Variants in NRROS observed in about 807,000 individuals in gnomAD.
NRROS encodes negative regulator of reactive oxygen species.
In NRROS, 6 loss-of-function variants were observed where a neutral mutation model predicts 12.0. That is an observed-to-expected ratio of 0.50 (90% CI 0.27 to 0.98). NRROS has a LOEUF of 0.98. Among genes scored for constraint, NRROS ranks in the 50% least tolerant of loss-of-function variants. The pLI, the probability that NRROS is intolerant of heterozygous loss-of-function variation, is 0.11. For synonymous variants in NRROS, 462 were observed against 410.2 expected (o/e 1.13, Z -1.53); for missense variants, 857 against 888.2 (o/e 0.96, Z 0.45).
At position 196,661,528 on chromosome 3, in the gene NRROS, C is replaced by T. The variant is rs763712304; in HGVS notation, c.1885C>T (p.Arg629Cys). Residue 629 changes from arginine to cysteine, a missense_variant, in exon 3 of 3, where the codon CGC becomes TGC. Transcript: ENST00000328557. ...CTGCAACCTCTCCTCCAAGATCATC[C>T]GCGTGACGGAGCTGCCCGGAGGTGT... is the stretch of plus-strand genomic sequence containing the variant. Reference protein sequence around the residue: ...VTCNLSSKIIRVTELPGGVPR... With the variant: ...VTCNLSSKIICVTELPGGVPR... 40 of 1,613,536 alleles carry T rather than the reference C, an allele frequency of 2.5e-5. No individual in the cohort carries two copies. The highest frequency in any genetic ancestry group is 1.5e-4 in the South Asian group (14 of 91,078).
rs1737680279 is a variant in NRROS at position 196,661,521 on chromosome 3, G to A, written c.1878G>A (p.Lys626=). The A allele has an allele frequency of 6.2e-7, 1 of 1,613,546 alleles. No individual in the cohort carries two copies. Among genetic ancestry groups the A allele is most frequent in the Non-Finnish European group, 8.5e-7 (1 of 1,179,622 alleles). ...WAMVTCNLSS[K]IIRVTELPGG... ...TGGTCACCTGCAACCTCTCCTCCAA[G>A]ATCATCCGCGTGACGGAGCTGCCCG... Residue 626 remains lysine (K), a synonymous_variant, in exon 3 of 3, where the codon AAG becomes AAA. Coordinates refer to ENST00000328557, the MANE Select transcript of NRROS (RefSeq NM_198565.3).
At chr3:196,640,743 C>T (rs753226610) in intron 1 of NRROS, among the ~76,000 whole-genome samples, 1 of 152,164 alleles carries the variant, frequency 6.6e-6, no homozygotes, top group Non-Finnish European at 1.5e-5. Context: ...AAGGTGGACA[C>T]GTGCCAGTTG....
intron 1 of NRROS, among the ~76,000 whole-genome samples, chr3:196,641,909 A>G (rs1390288308): frequency 6.6e-6 from 1 of 152,246 alleles, no homozygotes; most frequent in Admixed American, 6.5e-5. Flanking sequence ...TTCTTAGGAC[A>G]TGCTGTGTGT....
chr3:196,659,175 A>G (rs1737606160), intron 2 of NRROS, among the ~76,000 whole-genome samples: 1 of 151,940 alleles, frequency 6.6e-6, no homozygotes, highest in African/African-American at 2.4e-5. Flanking sequence ...TAGGAAAAGC[A>G]CTGAACTGGG....
At chr3:196,646,993 G>C (rs1400646591) in intron 1 of NRROS, among the ~76,000 whole-genome samples, 2 of 152,072 alleles carry the variant, frequency 1.3e-5, no homozygotes, top group Non-Finnish European at 2.9e-5. Context: ...TATTATGAAC[G>C]TCTTTCTGCG....
At chr3:196,659,060 G>A (rs767266930) in intron 2 of NRROS, among the ~76,000 whole-genome samples, 6 of 152,162 alleles carry the variant, frequency 3.9e-5, no homozygotes, top group Non-Finnish European at 7.3e-5. Context: ...TTTGCAAAGC[G>A]TGGGGTGAAT....
intron 1 of NRROS, among the ~76,000 whole-genome samples, chr3:196,647,333 G>T (rs11720010): frequency 3.0e-3 from 456 of 152,150 alleles, no homozygotes; most frequent in African/African-American, 9.7e-3. Flanking sequence ...CAGTTCTTAG[G>T]GGGGGAGAAG....
chr3:196,642,535 C>T (rs1023705536), intron 1 of NRROS, among the ~76,000 whole-genome samples: 20 of 152,190 alleles, frequency 1.3e-4, no homozygotes, highest in Non-Finnish European at 2.8e-4. Context: ...AAGAGCAAGT[C>T]TCCTTTCCAT....
chr3:196,654,586 C>T lies in NRROS; in HGVS notation c.47C>T (p.Thr16Ile), dbSNP rs867041647. 1.2e-6 allele frequency: 2 copies of T among 1,614,010 alleles called. No individual in the cohort carries two copies. Among genetic ancestry groups the T allele is most frequent in the Non-Finnish European group, 8.5e-7 (1 of 1,180,006 alleles). ...LWLCLGFHFL[T>I]VGWRNRSGTA... ...CTCTGCCTGGGTTTTCACTTCCTGACCGTGGGCTGGAGGAACAGAAGCGGA... is the reference window on the plus strand; with the variant it reads ...CTCTGCCTGGGTTTTCACTTCCTGATCGTGGGCTGGAGGAACAGAAGCGGA... The change falls in exon 2 of 3, where the codon ACC becomes ATC. Residue 16 changes from threonine (T) to isoleucine (I), a missense_variant. Transcript: ENST00000328557. The surrounding 1 kb of genome is among the most constrained non-coding windows in gnomAD (Gnocchi z 4.4).
At chr3:196,643,272 C>T (rs1737243117) in intron 1 of NRROS, among the ~76,000 whole-genome samples, 1 of 152,074 alleles carries the variant, frequency 6.6e-6, no homozygotes, top group South Asian at 2.1e-4. Flanking sequence ...AGGTGCTGAC[C>T]CCAAGCCAAT....
intron 1 of NRROS, among the ~76,000 whole-genome samples, chr3:196,652,955 G>C (rs1053347783): frequency 2.6e-5 from 4 of 152,192 alleles, no homozygotes; most frequent in African/African-American, 9.7e-5. Flanking sequence ...TAAACAATTT[G>C]TTAGTATAAG....
Position 196,660,372 on chromosome 3 carries a change from G to T in NRROS, c.729G>T (p.Ala243=), listed in dbSNP as rs1211088143. ...ACAACGTCCTGGAGTGGTTCCTCGC[G>T]ACCGGGGGAGAGGCTGCCTTCGAGC... ...VSYNVLEWFL[A]TGGEAAFELE... Residue 243 remains alanine, a synonymous_variant, in exon 3 of 3, where the codon GCG becomes GCT. Coordinates refer to ENST00000328557, the MANE Select transcript of NRROS (RefSeq NM_198565.3). The surrounding 1 kb of genome is among the most constrained non-coding windows in gnomAD (Gnocchi z 7.7). 1.2e-6 allele frequency: 2 copies of T among 1,613,860 alleles called. No individual in the cohort carries two copies. Among genetic ancestry groups the T allele is most frequent in the African/African-American group, 1.3e-5 (1 of 74,904 alleles).
chr3:196,641,646 G>A (rs901372591), intron 1 of NRROS, among the ~76,000 whole-genome samples: 1 of 152,174 alleles, frequency 6.6e-6, no homozygotes, highest in African/African-American at 2.4e-5. Context: ...GAGAGCAGAC[G>A]CCTAGTATCT....
chr3:196,642,978 G>A, intron 1 of NRROS, among the ~76,000 whole-genome samples: 1 of 151,722 alleles, frequency 6.6e-6, no homozygotes, highest in Non-Finnish European at 1.5e-5. Flanking sequence ...GCTGAGGCAG[G>A]AGAGTCGCTT....
chr3:196,658,888 C>G (rs556086137), intron 2 of NRROS, among the ~76,000 whole-genome samples: 3 of 152,014 alleles, frequency 2.0e-5, no homozygotes, highest in Non-Finnish European at 4.4e-5. Context: ...GAGAATTGCT[C>G]GAACCCAGGA....
chr3:196,641,140 A>AAAAACAAAACAAAACAAAACAAAAC (rs141716665), intron 1 of NRROS, among the ~76,000 whole-genome samples: 3 of 150,342 alleles, frequency 2.0e-5, no homozygotes, highest in African/African-American at 7.4e-5. Context: ...TTTAGGTTAA[A>AAAAACAAAACAAAACAAAACAAAAC]AAAACAAAAC....
At chr3:196,644,120 TCTC>T (rs745665635) in intron 1 of NRROS, among the ~76,000 whole-genome samples, 37 of 152,274 alleles carry the variant, frequency 2.4e-4, no homozygotes, top group Non-Finnish European at 4.4e-4. Flanking sequence ...CAGCTTCTCA[TCTC>T]CTTCCAAATC....
intron 1 of NRROS, among the ~76,000 whole-genome samples, chr3:196,652,579 G>T (rs376357625): frequency 1.3e-5 from 2 of 152,268 alleles, no homozygotes; most frequent in South Asian, 4.1e-4. Context: ...TTCCTGCCAG[G>T]GCCACAACAA....
intron 1 of NRROS, among the ~76,000 whole-genome samples, chr3:196,647,546 C>A (rs757610577): frequency 6.6e-6 from 1 of 152,190 alleles, no homozygotes; most frequent in Admixed American, 6.5e-5. Context: ...CCAAAGATCA[C>A]AATCGGTTCT....
Sources: gnomAD v4.1 joint callset for allele counts (sites outside exome capture counted in the v4.1 genomes callset) on GRCh38, gnomAD v4.1.1 for gene constraint, Gnocchi (gnomAD v3.1) non-coding constraint, MANE v1.5 for transcripts, NCBI Gene and HGNC (gene_info 2026-07-23, HGNC 2026-07-21) for gene names.